CEP128: variants seen among roughly 807,000 people sequenced by gnomAD.
CEP128 encodes centrosomal protein 128kDa.
A neutral mutation model predicts 156.7 loss-of-function variants in CEP128; 132 were observed. The observed-to-expected ratio is 0.84, with a 90% CI of 0.73 to 0.97. CEP128 has a LOEUF of 0.97. Among genes scored for constraint, CEP128 ranks in the 50% least tolerant of loss-of-function variants. CEP128 has a pLI of 0.00. For missense variants in CEP128, 1,252 were observed against 1,281.9 expected (o/e 0.98, Z 0.36); for synonymous variants, 469 against 448.9 (o/e 1.04, Z -0.57).
intron 14 of CEP128, among the ~76,000 whole-genome samples, chr14:80,484,082 T>A (rs1460548603): frequency 1.3e-5 from 2 of 152,042 alleles, no homozygotes. Context: ...GCTCAAGCGA[T>A]CCTCTCACCT....
intron 19 of CEP128, among the ~76,000 whole-genome samples, chr14:80,609,149 A>G (rs1158570598): frequency 6.6e-6 from 1 of 152,208 alleles, no homozygotes; most frequent in Non-Finnish European, 1.5e-5. Flanking sequence ...TTTTCAATAA[A>G]CCACATAATC....
chr14:80,796,224 C>T (rs1264172493), intron 13 of CEP128, among the ~76,000 whole-genome samples: 1 of 152,052 alleles, frequency 6.6e-6, no homozygotes, highest in Non-Finnish European at 1.5e-5. Flanking sequence ...TTTGGGAGGC[C>T]GAGGTGGGCG....
At chr14:80,485,565 A>G (rs1261145903), downstream of CEP128, among the ~76,000 whole-genome samples, 2 of 151,646 alleles carry the variant, frequency 1.3e-5, no homozygotes, top group Non-Finnish European at 2.9e-5. Flanking sequence ...CTAGCTAACC[A>G]ACTTTATCAG....
intron 19 of CEP128, among the ~76,000 whole-genome samples, chr14:80,658,012 A>G (rs1205148092): frequency 6.6e-6 from 1 of 152,154 alleles, no homozygotes; most frequent in Non-Finnish European, 1.5e-5. Flanking sequence ...GCGTTAAAAA[A>G]AAGTATAAAT....
At chr14:80,639,540 T>G (rs1894325401) in intron 19 of CEP128, among the ~76,000 whole-genome samples, 1 of 152,208 alleles carries the variant, frequency 6.6e-6, no homozygotes, top group African/African-American at 2.4e-5. Flanking sequence ...TCTATGACCT[T>G]CTTAAATATG....
In CEP128 at chr14:80,602,081, CA is replaced by C. The variant is rs574066851; in HGVS notation, c.2807-21659del. Among the ~76,000 whole-genome samples, 256 of 152,148 alleles carry C rather than the reference CA, an allele frequency of 1.7e-3. 1 individual carries two copies. Among genetic ancestry groups the C allele is most frequent in the African/African-American group, 5.7e-3 (236 of 41,524 alleles). On this transcript the variant is annotated intron_variant, in intron 19 of 24. Coordinates refer to ENST00000555265, the MANE Select transcript of CEP128 (RefSeq NM_152446.5). ...ATATCAAACAATACAGACTTTTAGA[CA>C]AAACTTGTTCTGAGACAAAGGACAT...
chr14:80,789,371 A>C (rs918779797), intron 14 of CEP128, among the ~76,000 whole-genome samples: 15 of 152,186 alleles, frequency 9.9e-5, no homozygotes, highest in Non-Finnish European at 1.9e-4. Context: ...TGAAACAATT[A>C]CAGATGAAGA....
chr14:80,487,294 G>A (rs1292336106), downstream of CEP128, among the ~76,000 whole-genome samples: 1 of 152,072 alleles, frequency 6.6e-6, no homozygotes, highest in Admixed American at 6.5e-5. Flanking sequence ...ATTACATAAT[G>A]GTAAAGGGAT....
chr14:80,631,614 A>C (rs150615770), intron 19 of CEP128, among the ~76,000 whole-genome samples: 1 of 152,058 alleles, frequency 6.6e-6, no homozygotes, highest in Non-Finnish European at 1.5e-5. Flanking sequence ...CTAATCTTTG[A>C]TTTGATGTTG....
At chr14:80,653,127 G>T (rs750035835) in intron 19 of CEP128, among the ~76,000 whole-genome samples, 1 of 152,132 alleles carries the variant, frequency 6.6e-6, no homozygotes, top group Non-Finnish European at 1.5e-5. Flanking sequence ...TCATAAGTGG[G>T]AGTTGAACAA....
At chr14:80,921,726 G>A (rs1376703132) in intron 2 of CEP128, among the ~76,000 whole-genome samples, 1 of 152,018 alleles carries the variant, frequency 6.6e-6, no homozygotes, top group Non-Finnish European at 1.5e-5. Flanking sequence ...CACTTTGGGA[G>A]GCCAAGGCAG....
At chr14:80,755,627 A>G (rs1199412885) in intron 18 of CEP128, among the ~76,000 whole-genome samples, 2 of 152,218 alleles carry the variant, frequency 1.3e-5, no homozygotes, top group Non-Finnish European at 2.9e-5. Flanking sequence ...TAATACTGCA[A>G]GACGTCAGAA....
intron 13 of CEP128, among the ~76,000 whole-genome samples, chr14:80,806,329 G>A (rs2139917141): frequency 6.6e-6 from 1 of 152,160 alleles, no homozygotes; most frequent in Non-Finnish European, 1.5e-5. Flanking sequence ...ATCTCTTTGG[G>A]AAGAAATAAA....
chr14:80,836,057 C>T, intron 12 of CEP128, 148 bp downstream of exon 12: 1 of 786,824 alleles, frequency 1.3e-6, no homozygotes, highest in Non-Finnish European at 2.0e-6. Context: ...TTATTATCAA[C>T]TTATCAGAAA....
chr14:80,787,461 GA>G (rs770198827), intron 14 of CEP128, among the ~76,000 whole-genome samples: 6 of 144,534 alleles, frequency 4.2e-5, no homozygotes, highest in Non-Finnish European at 7.6e-5. Flanking sequence ...TCAATAGCCA[GA>G]AAAAAAAAAA....
chr14:80,797,392 T>A (rs1346189439), intron 13 of CEP128, among the ~76,000 whole-genome samples: 1 of 152,172 alleles, frequency 6.6e-6, no homozygotes, highest in East Asian at 1.9e-4. Context: ...GATCTTCTTG[T>A]AAATAATTGT....
intron 11 of CEP128, among the ~76,000 whole-genome samples, chr14:80,836,921 T>A (rs1260864510): frequency 6.6e-6 from 1 of 152,160 alleles, no homozygotes; most frequent in Admixed American, 6.5e-5. Context: ...TCAGCTAAAA[T>A]CACAATGACA....
intron 20 of CEP128, among the ~76,000 whole-genome samples, chr14:80,564,321 T>C (rs1022059638): frequency 6.6e-6 from 1 of 152,238 alleles, no homozygotes; most frequent in Non-Finnish European, 1.5e-5. Context: ...AATAAGTGAA[T>C]ATTACACTTT....
chr14:80,912,825 A>T (rs1884326408), intron 4 of CEP128, among the ~76,000 whole-genome samples: 1 of 152,180 alleles, frequency 6.6e-6, no homozygotes, highest in Non-Finnish European at 1.5e-5. Flanking sequence ...GTGACAATTC[A>T]ATACAACACA....
Sources: allele counts gnomAD v4.1 joint callset (sites outside exome capture counted in the v4.1 genomes callset), GRCh38; gene constraint gnomAD v4.1.1; transcripts MANE v1.5; gene names NCBI Gene and HGNC (gene_info 2026-07-23, HGNC 2026-07-21).